MET: variants seen among roughly 807,000 people sequenced by gnomAD.
MET encodes the protein hepatocyte growth factor receptor.
In MET, 48 loss-of-function variants were observed where a neutral mutation model predicts 133.1. The observed-to-expected ratio is 0.36, with a 90% CI of 0.29 to 0.46. The LOEUF (loss-of-function observed/expected upper bound fraction) is 0.46. Ranked by LOEUF, MET falls within the 20% of genes least tolerant of loss-of-function variation. The pLI is 1.00. For missense variants in MET, 1,442 were observed against 1,695.9 expected, an observed-to-expected ratio of 0.85 and a Z score of 2.63; for synonymous variants, 628 against 616.5, an observed-to-expected ratio of 1.02 and a Z score of -0.28.
intron 19 of MET, among the ~76,000 whole-genome samples, chr7:116,791,982 G>A (rs1042096538): frequency 6.3e-4 from 96 of 152,124 alleles, no homozygotes; most frequent in African/African-American, 2.1e-3. Flanking sequence ...TCTAGTCTGT[G>A]GATTACCTTT....
rs949115024 is a variant in MET, at chr7:116,777,523, T to C, written c.3340+54T>C. 1.5e-4 allele frequency: 230 copies of C among 1,486,648 alleles called. 5 individuals carry two copies. The Admixed American group carries it at 3.7e-3, about 24-fold the overall frequency. 92.1% of individuals were successfully genotyped at this position (1,486,648 alleles called of 1,614,324 possible). ...TATACTTTTGTGGTTTGCAACCTAA[T>C]AAATAGCTTATAATAAAACGTTGAT... On this transcript the variant is annotated intron_variant, in intron 16 of 20. Coordinates refer to ENST00000397752, the MANE Select transcript of MET (RefSeq NM_000245.4).
At position 116,757,472 on chromosome 7, in the gene MET, A is replaced by T. The variant is rs45586239; in HGVS notation, c.1898A>T (p.His633Leu). The T allele has an allele frequency of 4.3e-6, 7 of 1,613,748 alleles. No individual in the cohort carries two copies. In the East Asian group the frequency reaches 1.3e-4, roughly 31 times the overall value. The change falls in exon 7 of 21, where the codon CAT becomes CTT. Residue 633 changes from histidine (H) to leucine (L), a missense_variant. Transcript: ENST00000397752. ...KCTVGPAMNK[H>L]FNMSIIISNG... Reference sequence around the variant, plus strand: ...ACAGTTGGTCCTGCCATGAATAAGCATTTCAATATGTCCATAATTATTTCA... The same window carrying T: ...ACAGTTGGTCCTGCCATGAATAAGCTTTTCAATATGTCCATAATTATTTCA...
chr7:116,674,788 C>A (rs920051085), intron 1 of MET, among the ~76,000 whole-genome samples: 13 of 152,174 alleles, frequency 8.5e-5, no homozygotes, highest in African/African-American at 2.9e-4. Flanking sequence ...CCTTCCGTGC[C>A]CCCATTTCTC....
At chr7:116,746,360 A>G (rs190109578) in intron 5 of MET, among the ~76,000 whole-genome samples, 3 of 152,368 alleles carry the variant, frequency 2.0e-5, no homozygotes, top group Admixed American at 1.3e-4. Context: ...ACCATTGTGG[A>G]AGACAGTGTG....
chr7:116,765,069 G>A (rs2116964655), intron 11 of MET, among the ~76,000 whole-genome samples: 1 of 152,214 alleles, frequency 6.6e-6, no homozygotes, highest in Middle Eastern at 3.4e-3. Flanking sequence ...GGAGGCCAAG[G>A]CGGGTGAATC....
chr7:116,691,398 C>T (rs756923140), intron 1 of MET, among the ~76,000 whole-genome samples: 1 of 152,030 alleles, frequency 6.6e-6, no homozygotes, highest in African/African-American at 2.4e-5. Context: ...GAATATTTTA[C>T]GTAAAGTTGG....
At position 116,716,741 on chromosome 7, in the gene MET, T is replaced by C. The variant is rs536505958; in HGVS notation, c.1201-14927T>C. Among the ~76,000 whole-genome samples the C allele has an allele frequency of 1.9e-3, 292 of 152,278 alleles. 2 individuals carry two copies. Among genetic ancestry groups the C allele is most frequent in the Non-Finnish European group, 1.7e-3 (114 of 68,012 alleles). ...AGACAGGGCTGGTCCTCGGAAGAGATGGCAACGGGGTGTGTAGAGTTAGGT... is the reference window on the plus strand; with the variant it reads ...AGACAGGGCTGGTCCTCGGAAGAGACGGCAACGGGGTGTGTAGAGTTAGGT... On this transcript the variant is annotated intron_variant, in intron 2 of 20. Coordinates refer to ENST00000397752, the MANE Select transcript of MET (RefSeq NM_000245.4).
At position 116,796,589 on chromosome 7, in the gene MET, T is replaced by C; in HGVS notation, c.*465T>C. The C allele has an allele frequency of 6.7e-6, 2 of 299,942 alleles. 1 individual carries two copies. Among genetic ancestry groups the C allele is most frequent in the South Asian group, 1.4e-4 (2 of 14,786 alleles). The allele number at this position is 299,942 out of a possible 1,614,324, so 18.6% of individuals were successfully genotyped here. On this transcript the variant is annotated 3_prime_UTR_variant, in exon 21 of 21. Transcript: ENST00000397752. ...TGTGTTGTATGGTCAATAACATTTTTCATTACTGATGGTGTCATTCACCCA... is the reference window on the plus strand; with the variant it reads ...TGTGTTGTATGGTCAATAACATTTTCCATTACTGATGGTGTCATTCACCCA...
intron 2 of MET, among the ~76,000 whole-genome samples, chr7:116,727,691 G>A (rs191851036): frequency 1.2e-3 from 179 of 152,256 alleles, no homozygotes; most frequent in African/African-American, 4.2e-3. Flanking sequence ...CAGGTAGCAA[G>A]GGGACCCCTG....
At chr7:116,755,042 A>AAGAAAGAAAGAAAGAG in intron 5 of MET, among the ~76,000 whole-genome samples, 1 of 39,228 alleles carries the variant, frequency 2.5e-5, no homozygotes, top group Non-Finnish European at 6.0e-5. Context: ...GAAAGAAAGA[A>AAGAAAGAAAGAAAGAG]AAGAAAGAAA....
chr7:116,726,593 A>T (rs1406571582), intron 2 of MET, among the ~76,000 whole-genome samples: 1 of 152,112 alleles, frequency 6.6e-6, no homozygotes, highest in Non-Finnish European at 1.5e-5. Flanking sequence ...GGTGTCAGTG[A>T]CTGTGGAAAG....
intron 10 of MET, among the ~76,000 whole-genome samples, chr7:116,760,447 T>C (rs1445021007): frequency 6.6e-6 from 1 of 152,156 alleles, no homozygotes; most frequent in East Asian, 1.9e-4. Context: ...AAGCTTGGAG[T>C]TATTTCCAAA....
intron 1 of MET, among the ~76,000 whole-genome samples, chr7:116,680,619 T>A (rs1269995706): frequency 6.6e-6 from 1 of 152,056 alleles, no homozygotes; most frequent in Non-Finnish European, 1.5e-5. Flanking sequence ...TCAGGCTGCC[T>A]GAATTCTAAG....
intron 19 of MET, among the ~76,000 whole-genome samples, chr7:116,787,559 G>T (rs1795355302): frequency 1.3e-5 from 2 of 152,172 alleles, no homozygotes; most frequent in African/African-American, 4.8e-5. Flanking sequence ...GAGGTGAACA[G>T]ATTCTCTAAC....
In MET at chr7:116,684,460, G is replaced by A. The variant is rs1796475191; in HGVS notation, c.-15+11883G>A. ...TAAGTTACTATATAGTGTGGTAAAG[G>A]CTAGATAAGGGGAAGACAGGTTTGA... On this transcript the variant is annotated intron_variant, in intron 1 of 20. Transcript: ENST00000397752. 2.0e-5 allele frequency among the ~76,000 whole-genome samples: 3 copies of A among 152,296 alleles called. No homozygotes were observed. The South Asian group carries it at 6.2e-4, about 32-fold the overall frequency.
chr7:116,750,648 A>C (rs1001401932), intron 5 of MET, among the ~76,000 whole-genome samples: 1 of 152,242 alleles, frequency 6.6e-6, no homozygotes, highest in South Asian at 2.1e-4. Context: ...GGCAACCTAC[A>C]GAACAGGATT....
In MET at chr7:116,753,516, TA is replaced by T. The variant is rs67297106; in HGVS notation, c.1702-1838del. Among the ~76,000 whole-genome samples the T allele has an allele frequency of 8.3e-3, 1,265 of 152,318 alleles. 25 individuals are homozygous for T. The highest frequency in any genetic ancestry group is 0.028 in the African/African-American group (1,175 of 41,568). On this transcript the variant is annotated intron_variant, in intron 5 of 20. Coordinates refer to ENST00000397752, the MANE Select transcript of MET (RefSeq NM_000245.4). ...TCTTAAATCATGACTGACCAAGGTT[TA>T]TCAATAAATCCATTGATAACATACC...
At chr7:116,779,099 A>G in intron 17 of MET, 142 bp downstream of exon 17, 1 of 843,086 alleles carries the variant, frequency 1.2e-6, no homozygotes, top group Non-Finnish European at 1.9e-6. Flanking sequence ...ATGCACCTCA[A>G]AGTCTTCTAT....
chr7:116,698,010 G>A (rs1341057555), intron 1 of MET, among the ~76,000 whole-genome samples: 1 of 152,118 alleles, frequency 6.6e-6, no homozygotes, highest in African/African-American at 2.4e-5. Flanking sequence ...TAGATCCAGG[G>A]TTAGTCTTTG....
Sources: gnomAD v4.1 joint callset for allele counts (sites outside exome capture counted in the v4.1 genomes callset) on GRCh38, gnomAD v4.1.1 for gene constraint, MANE v1.5 for transcripts, NCBI Gene and HGNC (gene_info 2026-07-23, HGNC 2026-07-21) for gene names.